SNX29: variants seen among roughly 807,000 people sequenced by gnomAD.
SNX29 encodes the protein sorting nexin-29.
A neutral mutation model predicts 102.1 loss-of-function variants in SNX29; 78 were observed. That is an observed-to-expected ratio of 0.76 (90% CI 0.64 to 0.92). The LOEUF (loss-of-function observed/expected upper bound fraction) is 0.92, where lower values mean the gene tolerates loss of function less well. Ranked by LOEUF, SNX29 falls within the 40% of genes least tolerant of loss-of-function variation. The pLI, the probability that SNX29 is intolerant of heterozygous loss-of-function variation, is 0.00. For synonymous variants in SNX29, 580 were observed against 414.5 expected (o/e 1.40, Z -4.85); for missense variants, 1,280 against 1,061.7 (o/e 1.21, Z -2.86).
At chr16:12,165,730 AT>A (rs904120820) in intron 13 of SNX29, among the ~76,000 whole-genome samples, 1 of 152,194 alleles carries the variant, frequency 6.6e-6, no homozygotes, top group African/African-American at 2.4e-5. Flanking sequence ...TGCCTGGCAA[AT>A]TTTTGTGTGT....
chr16:12,492,248 T>A (rs932669709), intron 19 of SNX29, among the ~76,000 whole-genome samples: 1 of 152,244 alleles, frequency 6.6e-6, no homozygotes, highest in Non-Finnish European at 1.5e-5. Context: ...GGTATCTCAT[T>A]GTGGTTTTGA....
At chr16:12,254,867 G>T (rs907303403) in intron 14 of SNX29, among the ~76,000 whole-genome samples, 1 of 152,190 alleles carries the variant, frequency 6.6e-6, no homozygotes, top group East Asian at 1.9e-4. Context: ...GAGAGCCTGA[G>T]TTGCAGAGCA....
chr16:12,177,642 C>G (rs1456198118), intron 13 of SNX29, among the ~76,000 whole-genome samples: 1 of 152,216 alleles, frequency 6.6e-6, no homozygotes, highest in African/African-American at 2.4e-5. Flanking sequence ...GGATTTACAT[C>G]TCTTACAATT....
At chr16:12,546,811 C>A (rs531044415) in intron 20 of SNX29, 42 of 152,294 alleles carry the variant, frequency 2.8e-4, no homozygotes, top group African/African-American at 9.9e-4. Context: ...ATTAGGATTG[C>A]TTTCAAAATA....
chr16:12,304,477 G>C lies in SNX29; in HGVS notation c.1782+26441G>C, dbSNP rs563920061. On this transcript the variant is annotated intron_variant, in intron 15 of 20. Transcript: ENST00000566228. ...AGACATTTAATTCATTTTGCAGTTT[G>C]TTGAAATAGAATCTTTGGCTGGAGA... Among the ~76,000 whole-genome samples the C allele has an allele frequency of 9.8e-5, 15 of 152,344 alleles. No individual in the cohort carries two copies. The East Asian group carries it at 1.7e-3, about 18-fold the overall frequency.
intron 20 of SNX29, among the ~76,000 whole-genome samples, chr16:12,532,468 T>C (rs1420926962): frequency 6.6e-6 from 1 of 152,092 alleles, no homozygotes; most frequent in African/African-American, 2.4e-5. Context: ...AAGCAAACAG[T>C]TTTAGATGTC....
chr16:12,219,770 GAA>G, intron 14 of SNX29, among the ~76,000 whole-genome samples: 1 of 152,346 alleles, frequency 6.6e-6, no homozygotes, highest in South Asian at 2.1e-4. Context: ...GTGTTTCACT[GAA>G]AAGAGTGGAT....
rs562726286 is a variant in SNX29, at chr16:12,435,581, A to G, written c.2037+32052A>G. On this transcript the variant is annotated intron_variant, in intron 18 of 20. Coordinates refer to ENST00000566228, the MANE Select transcript of SNX29 (RefSeq NM_032167.5). The stretch of plus-strand genomic sequence containing the variant: ...ACATAGCTGTTTCAGGACACAGTCT[A>G]GAAAACACCAGAGGACGCAGTTTAG... Among the ~76,000 whole-genome samples the G allele has an allele frequency of 1.4e-4, 22 of 152,356 alleles. No individual in the cohort carries two copies. The South Asian group carries it at 4.6e-3, about 32-fold the overall frequency.
intron 11 of SNX29, among the ~76,000 whole-genome samples, chr16:12,099,398 C>A (rs111714179): frequency 6.6e-6 from 1 of 152,056 alleles, no homozygotes. Context: ...TTGTGTAGCT[C>A]GTAGGGGAGT....
intron 18 of SNX29, among the ~76,000 whole-genome samples, chr16:12,456,898 G>A (rs1247144873): frequency 6.6e-6 from 1 of 152,106 alleles, no homozygotes; most frequent in Admixed American, 6.6e-5. Flanking sequence ...AGAAGGCCCG[G>A]GGCATTAGCA....
intron 13 of SNX29, among the ~76,000 whole-genome samples, chr16:12,132,219 C>T (rs942116818): frequency 1.3e-5 from 2 of 152,016 alleles, no homozygotes; most frequent in South Asian, 2.1e-4. Context: ...CGGCCTCAAC[C>T]TCCCAAGTAG....
chr16:12,540,709 C>T (rs11647147), intron 20 of SNX29, among the ~76,000 whole-genome samples: 18,277 of 152,186 alleles, frequency 0.12, 1,370 homozygotes, highest in Non-Finnish European at 0.16. Flanking sequence ...CATATGAAGA[C>T]GCTCCAGGGA....
chr16:12,347,914 CAAAAAAA>C (rs386384275), intron 15 of SNX29, among the ~76,000 whole-genome samples: 6 of 121,124 alleles, frequency 5.0e-5, no homozygotes, highest in African/African-American at 1.5e-4. Flanking sequence ...CCTGTCTTTA[CAAAAAAA>C]AAAAAAAAAT....
rs894498451 is a variant in SNX29 at position 12,571,898 on chromosome 16, C to G, written c.*3269C>G. 2 of 1,061,930 alleles carry G rather than the reference C, an allele frequency of 1.9e-6. No individual in the cohort carries two copies. Among genetic ancestry groups the G allele is most frequent in the Non-Finnish European group, 2.3e-6 (2 of 877,208 alleles). The allele number at this position is 1,061,930 out of a possible 1,614,324, so 65.8% of individuals were successfully genotyped here. A position where few individuals can be genotyped will look rare whatever the true frequency, so the allele number is the denominator to read the frequency against. ...GTTTGGAGCTGAGGTTCAAAGCCCC[C>G]TGCATTTCTCTACTGGCAGGCCCTG... On this transcript the variant is annotated 3_prime_UTR_variant, in exon 21 of 21. Transcript: ENST00000566228.
intron 14 of SNX29, 101 bp from the exon 15 acceptor site, chr16:12,277,832 G>C (rs1291975692): frequency 2.1e-6 from 2 of 961,326 alleles, no homozygotes; most frequent in Admixed American, 2.1e-5. Flanking sequence ...AGCTTTTTCA[G>C]TCTGAAGTCA....
At chr16:12,080,099 C>G (rs573197919) in intron 11 of SNX29, among the ~76,000 whole-genome samples, 2 of 152,194 alleles carry the variant, frequency 1.3e-5, no homozygotes, top group South Asian at 2.1e-4. Context: ...GCTCTTGGTA[C>G]AAAAACGTTG....
intron 20 of SNX29, among the ~76,000 whole-genome samples, chr16:12,549,170 T>C (rs536738424): frequency 1.3e-5 from 2 of 152,322 alleles, no homozygotes; most frequent in Admixed American, 6.5e-5. Flanking sequence ...TTGCTGTTCA[T>C]GGAGTGTCTG....
At chr16:12,242,249 T>C (rs1368217241) in intron 14 of SNX29, among the ~76,000 whole-genome samples, 1 of 151,908 alleles carries the variant, frequency 6.6e-6, no homozygotes, top group Non-Finnish European at 1.5e-5. Flanking sequence ...CTTGTTTGAC[T>C]TCTTGGGAGG....
Position 12,027,323 on chromosome 16 carries a change from C to T in SNX29, c.126C>T (p.Val42=). The T allele has an allele frequency of 6.2e-7, 1 of 1,613,662 alleles. No individual in the cohort carries two copies. Among genetic ancestry groups the T allele is most frequent in the Non-Finnish European group, 8.5e-7 (1 of 1,179,754 alleles). The change falls in exon 4 of 21, where the codon GTC becomes GTT. Residue 42 remains valine (V), a synonymous_variant. Coordinates refer to ENST00000566228, the MANE Select transcript of SNX29 (RefSeq NM_032167.5). ...TGAGTCATTGGTTTTCTCACAGGGT[C>T]ACCTGTCTGTGTGCCCAGTTTGAAG... ...KEIASDSDSR[V]TCLCAQFEAV... is the part of the protein sequence containing the mutation.
Sources: allele counts gnomAD v4.1 joint callset (sites outside exome capture counted in the v4.1 genomes callset), GRCh38; gene constraint gnomAD v4.1.1; transcripts MANE v1.5; gene names NCBI Gene and HGNC (gene_info 2026-07-23, HGNC 2026-07-21).